UNC13C: variants seen among roughly 807,000 people sequenced by gnomAD.
UNC13C encodes protein unc-13 homolog C.
UNC13C carries 174 observed loss-of-function variants against 245.4 expected under a neutral mutation model. The ratio of observed to expected loss-of-function variants is 0.71; its 90% CI spans 0.63 to 0.80. The LOEUF (loss-of-function observed/expected upper bound fraction) is 0.80, where lower values mean the gene tolerates loss of function less well. UNC13C is among the 30% of genes least tolerant of loss of function. UNC13C has a pLI of 0.00. For synonymous variants in UNC13C, 992 were observed against 895.1 expected (o/e 1.11, Z -1.93); for missense variants, 2,829 against 2,602.9 (o/e 1.09, Z -1.89).
At chr15:53,903,023 AC>A in the UNC13C span, among the ~76,000 whole-genome samples, 14 of 152,364 alleles carry the variant, frequency 9.2e-5, no homozygotes, top group Admixed American at 2.0e-4. Flanking sequence ...TGATGATCAT[AC>A]AGTCAATTTG....
At chr15:54,455,207 A>AC (rs2141015734) in intron 19 of UNC13C, among the ~76,000 whole-genome samples, 1 of 19,006 alleles carries the variant, frequency 5.3e-5, no homozygotes. Context: ...CTCTCTCTCT[A>AC]TATATATATA....
intron 19 of UNC13C, among the ~76,000 whole-genome samples, chr15:54,420,907 A>G (rs1478113236): frequency 3.3e-5 from 5 of 152,068 alleles, no homozygotes; most frequent in Non-Finnish European, 5.9e-5. Context: ...AAAGGCATTC[A>G]TTGATCTACT....
At chr15:54,552,993 T>A (rs1235087590) in intron 28 of UNC13C, among the ~76,000 whole-genome samples, 74 of 102,456 alleles carry the variant, frequency 7.2e-4, no homozygotes, top group African/African-American at 2.9e-3. Context: ...GTATTCTATA[T>A]TACAATATAT....
chr15:54,511,881 A>T (rs1894763063), intron 24 of UNC13C, 51 bp downstream of exon 24: 1 of 1,293,432 alleles, frequency 7.7e-7, no homozygotes, highest in African/African-American at 1.5e-5. Flanking sequence ...AGAGATTATT[A>T]GCAGCATATC....
the UNC13C span, among the ~76,000 whole-genome samples, chr15:53,840,322 TA>T: frequency 6.6e-6 from 1 of 152,122 alleles, no homozygotes; most frequent in African/African-American, 2.4e-5. Flanking sequence ...TACCTTTTAT[TA>T]GGACTTTAGC....
chr15:54,335,716 G>A (rs142584804), intron 16 of UNC13C, among the ~76,000 whole-genome samples: 1 of 152,138 alleles, frequency 6.6e-6, no homozygotes, highest in Non-Finnish European at 1.5e-5. Flanking sequence ...TAATTGCTAA[G>A]GAGTAATTCT....
At chr15:54,236,226 C>A (rs2035695825) in intron 5 of UNC13C, among the ~76,000 whole-genome samples, 1 of 152,168 alleles carries the variant, frequency 6.6e-6, no homozygotes, top group Non-Finnish European at 1.5e-5. Context: ...AAGGCCACCA[C>A]TTTGGTTTTA....
intron 10 of UNC13C, among the ~76,000 whole-genome samples, chr15:54,272,723 G>C (rs1256163251): frequency 6.6e-6 from 1 of 152,086 alleles, no homozygotes; most frequent in African/African-American, 2.4e-5. Flanking sequence ...ATGAGATTGA[G>C]CCATTACCTA....
chr15:54,071,445 C>G (rs1410000362), intron 2 of UNC13C, among the ~76,000 whole-genome samples: 1 of 152,006 alleles, frequency 6.6e-6, no homozygotes, highest in African/African-American at 2.4e-5. Context: ...TTTCACAAAT[C>G]AGATTATTGA....
At chr15:53,933,406 TATAAG>T in the UNC13C span, among the ~76,000 whole-genome samples, 5 of 152,114 alleles carry the variant, frequency 3.3e-5, no homozygotes, top group African/African-American at 1.2e-4. Context: ...ACCACACAAA[TATAAG>T]ATGCACACAA....
intron 30 of UNC13C, among the ~76,000 whole-genome samples, chr15:54,580,647 A>G (rs1039694885): frequency 2.6e-5 from 4 of 152,218 alleles, no homozygotes; most frequent in Non-Finnish European, 4.4e-5. Context: ...GATAATACCC[A>G]TGAAACACTT....
Position 54,203,484 on chromosome 15 carries a change from G to GTGTGTA in UNC13C, c.3072-31545_3072-31544insGTGTAT, listed in dbSNP as rs796426371. Among the ~76,000 whole-genome samples the GTGTGTA allele has an allele frequency of 3.3e-3, 466 of 139,750 alleles. 4 individuals are homozygous for GTGTGTA. The highest frequency in any genetic ancestry group is 0.012 in the South Asian group (53 of 4,402). The allele number at this position is 139,750 out of a possible 152,430, so 91.7% of individuals were successfully genotyped here. On this transcript the variant is annotated intron_variant, in intron 4 of 32. Coordinates refer to ENST00000260323, the MANE Select transcript of UNC13C (RefSeq NM_001080534.3). ...GTAGTGTGTGTGTATATGTGTGTGT[G>GTGTGTA]TATATATATATATATATATACACAC...
chr15:54,366,896 G>T (rs542682381), intron 17 of UNC13C, among the ~76,000 whole-genome samples: 290 of 152,166 alleles, frequency 1.9e-3, no homozygotes, highest in Non-Finnish European at 2.9e-3. Context: ...TAACATCCCT[G>T]TTACAGCACA....
chr15:54,353,761 G>T (rs1006958746), intron 17 of UNC13C, among the ~76,000 whole-genome samples: 1 of 152,036 alleles, frequency 6.6e-6, no homozygotes, highest in Non-Finnish European at 1.5e-5. Context: ...GCTCCCTTTT[G>T]AATTATTTGC....
At chr15:54,547,337 A>G (rs114530062) in intron 27 of UNC13C, among the ~76,000 whole-genome samples, 1,728 of 152,258 alleles carry the variant, frequency 0.011, 33 homozygotes, top group African/African-American at 0.04. Flanking sequence ...ATGTGATTGT[A>G]TCACACAAAG....
At chr15:54,589,223 T>A (rs1898642571) in intron 30 of UNC13C, among the ~76,000 whole-genome samples, 1 of 151,908 alleles carries the variant, frequency 6.6e-6, no homozygotes, top group African/African-American at 2.4e-5. Context: ...TGCATTTCGT[T>A]GATCATTAGT....
intron 19 of UNC13C, among the ~76,000 whole-genome samples, chr15:54,452,782 G>T (rs1354428596): frequency 6.6e-6 from 1 of 152,224 alleles, no homozygotes; most frequent in Non-Finnish European, 1.5e-5. Context: ...GTAGCTGGCT[G>T]GGGAGTGTGC....
the UNC13C span, among the ~76,000 whole-genome samples, chr15:53,968,528 C>G: frequency 6.6e-6 from 1 of 152,170 alleles, no homozygotes; most frequent in East Asian, 1.9e-4. Context: ...AGTATATTCA[C>G]TGAAATTCCA....
intron 26 of UNC13C, among the ~76,000 whole-genome samples, chr15:54,536,640 T>A (rs1016502103): frequency 1.3e-5 from 2 of 151,968 alleles, no homozygotes; most frequent in African/African-American, 4.8e-5. Flanking sequence ...AGGATTATCA[T>A]GTAGGATTTA....
Sources: allele counts gnomAD v4.1 joint callset (sites outside exome capture counted in the v4.1 genomes callset), GRCh38; gene constraint gnomAD v4.1.1; transcripts MANE v1.5; gene names NCBI Gene and HGNC (gene_info 2026-07-23, HGNC 2026-07-21).